Variants in PCDH11Y observed in about 807,000 individuals in gnomAD.
The protein encoded by PCDH11Y is protocadherin-11 Y-linked.
For synonymous variants in PCDH11Y, 9 were observed against 83.6 expected (o/e 0.11, Z 4.87); for missense variants, 12 against 224.8 (o/e 0.05, Z 6.05).
chrY:5,733,712 G>A, intron 4 of PCDH11Y, among the ~76,000 whole-genome samples: 1 of 30,133 alleles, frequency 3.3e-5, no homozygotes, highest in African/African-American at 1.3e-4. Flanking sequence ...CCAGCACTTA[G>A]CAAGGATCCA....
intron 4 of PCDH11Y, among the ~76,000 whole-genome samples, chrY:5,736,548 A>G: frequency 3.2e-5 from 1 of 31,304 alleles, no homozygotes; most frequent in East Asian, 8.4e-4. Flanking sequence ...TAGTAACTCC[A>G]TCTCTATTTC....
At chrY:5,124,090 G>C in intron 2 of PCDH11Y, among the ~76,000 whole-genome samples, 1 of 32,962 alleles carries the variant, frequency 3.0e-5, no homozygotes, top group South Asian at 6.8e-4. Context: ...GAAAGGAAAA[G>C]TCCCAGTTGG....
intron 2 of PCDH11Y, among the ~76,000 whole-genome samples, chrY:5,208,840 A>G: frequency 3.1e-5 from 1 of 32,060 alleles, no homozygotes; most frequent in Non-Finnish European, 7.7e-5. Flanking sequence ...TTCAACACCT[A>G]TGTATTTATT....
intron 2 of PCDH11Y, among the ~76,000 whole-genome samples, chrY:5,336,664 C>T: frequency 3.5e-5 from 1 of 28,214 alleles, no homozygotes; most frequent in East Asian, 9.2e-4. Context: ...TCTTATGGAG[C>T]TTATAATTTC....
chrY:5,129,478 CAG>C (rs60771778), intron 2 of PCDH11Y, among the ~76,000 whole-genome samples: 7 of 12,417 alleles, frequency 5.6e-4, no homozygotes, highest in Admixed American at 7.9e-4. Context: ...CACACACACA[CAG>C]AGAGAGAGAG....
chrY:5,343,461 T>G (rs1602908310), intron 2 of PCDH11Y, among the ~76,000 whole-genome samples: 109 of 31,657 alleles, frequency 3.4e-3, no homozygotes, highest in African/African-American at 0.012. Flanking sequence ...CACCGTGTTA[T>G]CCAGGATGGT....
chrY:5,148,815 T>C, intron 2 of PCDH11Y, among the ~76,000 whole-genome samples: 1 of 32,393 alleles, frequency 3.1e-5, no homozygotes, highest in African/African-American at 1.2e-4. Flanking sequence ...ACTATTGTGC[T>C]GAAAAACAGA....
chrY:5,507,021 G>A (rs2573871), intron 3 of PCDH11Y, among the ~76,000 whole-genome samples: 1 of 32,578 alleles, frequency 3.1e-5, no homozygotes, highest in African/African-American at 1.2e-4. Context: ...ATTTTAGTCC[G>A]TGATGTGTTA....
chrY:5,297,775 AG>A (rs2053076916), intron 2 of PCDH11Y, among the ~76,000 whole-genome samples: 1 of 33,287 alleles, frequency 3.0e-5, no homozygotes, highest in Non-Finnish European at 7.4e-5. Flanking sequence ...CAGTGATTCA[AG>A]ACTGTCTCTT....
chrY:5,614,786 T>C, intron 4 of PCDH11Y, among the ~76,000 whole-genome samples: 1 of 28,807 alleles, frequency 3.5e-5, no homozygotes, highest in Non-Finnish European at 7.6e-5. Context: ...ATGTAAAGTA[T>C]GCAATTCGGC....
At chrY:5,318,824 GA>G (rs2053109933) in intron 2 of PCDH11Y, among the ~76,000 whole-genome samples, 42 of 28,387 alleles carry the variant, frequency 1.5e-3, no homozygotes, top group African/African-American at 5.7e-3. Context: ...TTAAATAACT[GA>G]AAAAAAAATG....
intron 1 of PCDH11Y, among the ~76,000 whole-genome samples, chrY:5,012,177 G>A: frequency 9.2e-5 from 3 of 32,686 alleles, no homozygotes; most frequent in Admixed American, 5.6e-4. Flanking sequence ...TAGCGCCCAC[G>A]TGGGTATGAA....
At chrY:5,537,640 T>C in intron 3 of PCDH11Y, among the ~76,000 whole-genome samples, 2 of 32,436 alleles carry the variant, frequency 6.2e-5, no homozygotes, top group African/African-American at 2.4e-4. Context: ...CATTTCTGTT[T>C]CTAGGACTGC....
chrY:5,243,324 C>G, intron 2 of PCDH11Y, among the ~76,000 whole-genome samples: 1 of 33,484 alleles, frequency 3.0e-5, no homozygotes, highest in Non-Finnish European at 7.3e-5. Context: ...CACATACACA[C>G]ACATTGCCCA....
chrY:5,399,816 A>G (rs1602919575), intron 2 of PCDH11Y, among the ~76,000 whole-genome samples: 11 of 33,037 alleles, frequency 3.3e-4, no homozygotes, highest in African/African-American at 7.1e-4. Context: ...AAATTTTTAT[A>G]AAAGTAGTAA....
chrY:5,665,988 G>A, intron 4 of PCDH11Y, among the ~76,000 whole-genome samples: 3 of 33,226 alleles, frequency 9.0e-5, no homozygotes, highest in Non-Finnish European at 1.5e-4. Context: ...CTCCATTTAC[G>A]CAAGTATATT....
chrY:5,638,469 A>C, intron 4 of PCDH11Y, among the ~76,000 whole-genome samples: 2 of 32,904 alleles, frequency 6.1e-5, no homozygotes, highest in Non-Finnish European at 1.5e-4. Flanking sequence ...ATTGGGTGTT[A>C]TCTCATTCAT....
At chrY:5,028,395 C>T in intron 1 of PCDH11Y, among the ~76,000 whole-genome samples, 1 of 33,592 alleles carries the variant, frequency 3.0e-5, no homozygotes, top group Admixed American at 2.7e-4. Flanking sequence ...CAGGGAAAGG[C>T]GGTGAAATAA....
At chrY:5,150,028 T>C in intron 2 of PCDH11Y, among the ~76,000 whole-genome samples, 1 of 32,980 alleles carries the variant, frequency 3.0e-5, no homozygotes, top group Non-Finnish European at 7.5e-5. Flanking sequence ...TTTTTAACTA[T>C]TGTAGATTTT....
Sources: gnomAD v4.1 joint callset for allele counts (sites outside exome capture counted in the v4.1 genomes callset) on GRCh38, gnomAD v4.1.1 for gene constraint, MANE v1.5 for transcripts, NCBI Gene and HGNC (gene_info 2026-07-23, HGNC 2026-07-21) for gene names.